The following TMTC1 variants were observed in gnomAD, a reference collection of about 807,000 sequenced individuals.
The protein encoded by TMTC1 is transmembrane O-mannosyltransferase targeting cadherins 1.
A neutral mutation model predicts 104.8 loss-of-function variants in TMTC1; 73 were observed. The ratio of observed to expected loss-of-function variants is 0.70; its 90% CI spans 0.58 to 0.85. The LOEUF (loss-of-function observed/expected upper bound fraction) is 0.85. Ranked by LOEUF, TMTC1 falls within the 40% of genes least tolerant of loss-of-function variation. The pLI is 0.00. For synonymous variants in TMTC1, 434 were observed against 428.7 expected (o/e 1.01, Z -0.15); for missense variants, 1,035 against 1,096.1 (o/e 0.94, Z 0.79).
At chr12:29,740,123 C>A in intron 5 of TMTC1, among the ~76,000 whole-genome samples, 1 of 152,164 alleles carries the variant, frequency 6.6e-6, no homozygotes, top group Non-Finnish European at 1.5e-5. Flanking sequence ...CCCAAGTGAT[C>A]CTGCCCCAGC....
At chr12:29,647,170 T>C (rs10734775) in intron 5 of TMTC1, among the ~76,000 whole-genome samples, 103,754 of 151,896 alleles carry the variant, frequency 0.68, 36,383 homozygotes, top group African/African-American at 0.84. Flanking sequence ...CAGGTGCATA[T>C]CACCAGGCCT....
At chr12:29,635,788 C>A (rs1044616369) in intron 5 of TMTC1, among the ~76,000 whole-genome samples, 1 of 152,166 alleles carries the variant, frequency 6.6e-6, no homozygotes, top group Non-Finnish European at 1.5e-5. Flanking sequence ...ATGCAGTGTG[C>A]AAAATCCAGA....
chr12:29,616,853 G>A (rs1334678267), intron 6 of TMTC1, among the ~76,000 whole-genome samples: 4 of 152,018 alleles, frequency 2.6e-5, no homozygotes, highest in Non-Finnish European at 4.4e-5. Flanking sequence ...TCTTGGCATC[G>A]TTAAACCATA....
chr12:29,590,303 T>C (rs1946245950), intron 7 of TMTC1, among the ~76,000 whole-genome samples: 1 of 152,230 alleles, frequency 6.6e-6, no homozygotes, highest in Non-Finnish European at 1.5e-5. Flanking sequence ...ATTCATCTTT[T>C]GAAACTGATT....
intron 5 of TMTC1, among the ~76,000 whole-genome samples, chr12:29,731,472 G>GT (rs1294355268): frequency 1.3e-5 from 2 of 152,134 alleles, no homozygotes; most frequent in Non-Finnish European, 2.9e-5. Context: ...TTTAAACAAC[G>GT]TAACAGCAAA....
At chr12:29,578,030 T>C (rs142279773) in intron 8 of TMTC1, among the ~76,000 whole-genome samples, 448 of 152,214 alleles carry the variant, frequency 2.9e-3, no homozygotes, top group African/African-American at 9.9e-3. Flanking sequence ...TGAATACAAC[T>C]GGCATATTTA....
intron 9 of TMTC1, among the ~76,000 whole-genome samples, chr12:29,570,423 C>A (rs1555170616): frequency 6.6e-6 from 1 of 152,088 alleles, no homozygotes; most frequent in Non-Finnish European, 1.5e-5. Context: ...TAAAAATGAT[C>A]TTCTATTCTG....
chr12:29,612,249 G>A (rs971542675), intron 6 of TMTC1, among the ~76,000 whole-genome samples: 5 of 152,072 alleles, frequency 3.3e-5, no homozygotes, highest in Non-Finnish European at 7.4e-5. Context: ...TCTAACAGAG[G>A]GTGCTATTGG....
rs1439882603 is a variant in TMTC1 at position 29,500,951 on chromosome 12, T to C, written c.*5895A>G. ...AATGGGAGAAATACTTTATGGAAGATAAATTCTAACGGGCACAGCCAAAGT... is the reference window on the plus strand; with the variant it reads ...AATGGGAGAAATACTTTATGGAAGACAAATTCTAACGGGCACAGCCAAAGT... On this transcript the variant is annotated 3_prime_UTR_variant, in exon 18 of 18. Coordinates refer to ENST00000539277, the MANE Select transcript of TMTC1 (RefSeq NM_001193451.2). 7.1e-6 allele frequency: 1 copy of C among 141,614 alleles called. No homozygotes were observed. The highest frequency in any genetic ancestry group is 1.6e-5 in the Non-Finnish European group (1 of 63,504). 8.8% of individuals were successfully genotyped at this position (141,614 alleles called of 1,614,324 possible).
chr12:29,585,693 T>C (rs1198761018), intron 7 of TMTC1, among the ~76,000 whole-genome samples: 2 of 152,236 alleles, frequency 1.3e-5, no homozygotes, highest in Non-Finnish European at 2.9e-5. Context: ...ATTTATTAAA[T>C]AGGGAATCCT....
At chr12:29,765,361 C>G (rs955213536) in intron 2 of TMTC1, among the ~76,000 whole-genome samples, 4 of 152,120 alleles carry the variant, frequency 2.6e-5, no homozygotes, top group African/African-American at 4.8e-5. Flanking sequence ...TGAAGCTCAT[C>G]ATCTTCCATT....
chr12:29,741,529 T>C (rs1942825770), intron 5 of TMTC1, among the ~76,000 whole-genome samples: 1 of 152,184 alleles, frequency 6.6e-6, no homozygotes, highest in African/African-American at 2.4e-5. Context: ...ACTAAAGTAA[T>C]TGGCCCAAGG....
In TMTC1 at chr12:29,583,527, G is replaced by A. The variant is rs747958321; in HGVS notation, c.1298C>T (p.Thr433Ile). The A allele has an allele frequency of 5.6e-6, 9 of 1,613,698 alleles. No individual in the cohort carries two copies. Among genetic ancestry groups the A allele is most frequent in the Non-Finnish European group, 7.6e-6 (9 of 1,179,862 alleles). ...LFVHGLSKLC[T>I]WLNRCGATTL... ...GGTGGCCCCACATCGATTCAGCCAA[G>A]TGCAGAGCTTGCTCAGTCCATGCAC... The change falls in exon 8 of 18, where the codon ACT becomes ATT. Residue 433 changes from threonine (T) to isoleucine (I), a missense_variant. Transcript: ENST00000539277.
At chr12:29,721,804 C>G (rs1354465721) in intron 5 of TMTC1, among the ~76,000 whole-genome samples, 1 of 151,780 alleles carries the variant, frequency 6.6e-6, no homozygotes, top group Non-Finnish European at 1.5e-5. Context: ...CTGTTGATAT[C>G]TACCATATAA....
intron 10 of TMTC1, among the ~76,000 whole-genome samples, chr12:29,539,135 G>T (rs1242772925): frequency 6.6e-6 from 1 of 152,132 alleles, no homozygotes; most frequent in East Asian, 1.9e-4. Flanking sequence ...AATAGGTGTG[G>T]CTTTGACACA....
intron 5 of TMTC1, among the ~76,000 whole-genome samples, chr12:29,669,571 C>T (rs191646194): frequency 1.3e-5 from 2 of 152,230 alleles, no homozygotes; most frequent in Admixed American, 1.3e-4. Flanking sequence ...GATGTAGAAA[C>T]AAATAAGAGG....
At chr12:29,647,808 C>T (rs1481723367) in intron 5 of TMTC1, among the ~76,000 whole-genome samples, 1 of 152,206 alleles carries the variant, frequency 6.6e-6, no homozygotes. Flanking sequence ...CATATCCTTT[C>T]ACTGAAAATC....
At chr12:29,627,751 G>T (rs1938078978) in intron 6 of TMTC1, among the ~76,000 whole-genome samples, 4 of 149,992 alleles carry the variant, frequency 2.7e-5, no homozygotes, top group African/African-American at 9.8e-5. Flanking sequence ...TGAATAAATG[G>T]ATAAGCAAAC....
At chr12:29,714,845 A>C (rs767688834) in intron 5 of TMTC1, among the ~76,000 whole-genome samples, 2 of 152,224 alleles carry the variant, frequency 1.3e-5, no homozygotes, top group Non-Finnish European at 2.9e-5. Flanking sequence ...ACTGGAGTAC[A>C]TGCATCAGGG....
Sources: allele counts gnomAD v4.1 joint callset (sites outside exome capture counted in the v4.1 genomes callset), GRCh38; gene constraint gnomAD v4.1.1; transcripts MANE v1.5; gene names NCBI Gene and HGNC (gene_info 2026-07-23, HGNC 2026-07-21).